Variants in AIDA observed in about 807,000 individuals in gnomAD.
AIDA encodes axin interactor, dorsalization associated, also known as axin interactor, dorsalization-associated protein.
In AIDA, 18 loss-of-function variants were observed where a neutral mutation model predicts 42.7. The ratio of observed to expected loss-of-function variants is 0.42; its 90% CI spans 0.29 to 0.63. The LOEUF is 0.63. AIDA is among the 20% of genes least tolerant of loss of function. The pLI is 0.19. For missense variants in AIDA, 250 were observed against 354.1 expected (o/e 0.71, Z 2.36); for synonymous variants, 104 against 122.9 (o/e 0.85, Z 1.02).
rs775632388 is a variant in AIDA, at chr1:222,670,213, A to T, written c.744T>A (p.Pro248=). The T allele has an allele frequency of 1.1e-5, 18 of 1,613,952 alleles. No homozygotes were observed. The highest frequency in any genetic ancestry group is 1.6e-4 in the Middle Eastern group (1 of 6,084). ...ACTTGGTGCTGGTAAACCTTTTTTT[A>T]GGCTTGTAGTGTTTGAATTCAAAGA... ...AIFFEFKHYK[P]KKRFTSTKCF... is the part of the protein sequence containing the mutation. Residue 248 remains proline (P), a synonymous_variant, in exon 9 of 10, where the codon CCT becomes CCA. Transcript: ENST00000340020.
intron 8 of AIDA, among the ~76,000 whole-genome samples, chr1:222,672,670 T>A (rs913138311): frequency 1.3e-5 from 2 of 152,150 alleles, no homozygotes; most frequent in Non-Finnish European, 2.9e-5. Context: ...AAGTGAAATA[T>A]CGAATATTTC....
At chr1:222,678,162 A>G (rs1207650244) in intron 6 of AIDA, among the ~76,000 whole-genome samples, 2 of 151,396 alleles carry the variant, frequency 1.3e-5, no homozygotes, top group Non-Finnish European at 2.9e-5. Flanking sequence ...AAAGTTGAGT[A>G]TCTTCTAATA....
chr1:222,697,457 AG>A (rs1247374220), intron 2 of AIDA, among the ~76,000 whole-genome samples: 1 of 151,260 alleles, frequency 6.6e-6, no homozygotes, highest in Non-Finnish European at 1.5e-5. Flanking sequence ...TCTTAGAAAC[AG>A]ATGACTCAGA....
chr1:222,677,186 A>G (rs1664560932), intron 6 of AIDA, among the ~76,000 whole-genome samples: 1 of 151,934 alleles, frequency 6.6e-6, no homozygotes, highest in African/African-American at 2.4e-5. Flanking sequence ...TCATTTTCTG[A>G]GCACTTATTG....
At chr1:222,697,497 G>A (rs1161431063) in intron 2 of AIDA, among the ~76,000 whole-genome samples, 8 of 151,272 alleles carry the variant, frequency 5.3e-5, no homozygotes, top group Non-Finnish European at 1.0e-4. Flanking sequence ...AAGTTCACAT[G>A]TGTCAGAGTA....
At chr1:222,701,122 C>T (rs1191816445) in intron 2 of AIDA, among the ~76,000 whole-genome samples, 1 of 151,958 alleles carries the variant, frequency 6.6e-6, no homozygotes, top group African/African-American at 2.4e-5. Context: ...ACCACCACGC[C>T]TACCTAATTT....
intron 6 of AIDA, among the ~76,000 whole-genome samples, chr1:222,684,258 C>T (rs1394259852): frequency 1.3e-5 from 2 of 152,030 alleles, no homozygotes; most frequent in African/African-American, 4.8e-5. Flanking sequence ...ATTACAGGTG[C>T]CCACCACCAC....
intron 2 of AIDA, among the ~76,000 whole-genome samples, chr1:222,697,056 CCTCAG>C (rs1462364753): frequency 6.6e-6 from 1 of 152,094 alleles, no homozygotes; most frequent in Non-Finnish European, 1.5e-5. Context: ...GATTCTCCTG[CCTCAG>C]CCTCTCGAGT....
In AIDA at chr1:222,673,694, C is replaced by T. The variant is rs541692435; in HGVS notation, c.584-259G>A. The stretch of plus-strand genomic sequence containing the variant: ...TCGGGAGGCTCAGGCAGGAGAATGG[C>T]GTGAACCCAGGAGGCGGAGCTTGCA... On this transcript the variant is annotated intron_variant, in intron 7 of 9. Coordinates refer to ENST00000340020, the MANE Select transcript of AIDA (RefSeq NM_022831.4). Among the ~76,000 whole-genome samples the T allele has an allele frequency of 1.4e-4, 22 of 152,034 alleles. No individual in the cohort carries two copies. In the East Asian group the frequency reaches 3.5e-3, roughly 24 times the overall value.
At position 222,676,189 on chromosome 1, in the gene AIDA, G is replaced by A. The variant is rs1664539827; in HGVS notation, c.490C>T (p.Pro164Ser). 1 of 1,611,308 alleles carries A rather than the reference G, an allele frequency of 6.2e-7. No individual in the cohort carries two copies. Among genetic ancestry groups the A allele is most frequent in the Admixed American group, 1.7e-5 (1 of 59,416 alleles). The change falls in exon 7 of 10, where the codon CCA becomes TCA. Residue 164 changes from proline to serine, a missense_variant. Coordinates refer to ENST00000340020, the MANE Select transcript of AIDA (RefSeq NM_022831.4). The part of the protein sequence containing the change: ...GTLLPRLPSE[P>S]GMTLLTIRIE... ...CTGATAGTGAGTAATGTCATTCCTG[G>A]TTCCGATGGCAACCTTGGTAATAAA...
chr1:222,706,747 G>C (rs373545826), intron 1 of AIDA, among the ~76,000 whole-genome samples: 3 of 150,908 alleles, frequency 2.0e-5, no homozygotes, highest in South Asian at 2.1e-4. Flanking sequence ...ATGCGCACCT[G>C]TAATCCCAGC....
At chr1:222,703,989 G>T (rs1479738386) in intron 1 of AIDA, among the ~76,000 whole-genome samples, 1 of 152,160 alleles carries the variant, frequency 6.6e-6, no homozygotes, top group African/African-American at 2.4e-5. Flanking sequence ...CAAAGGATTT[G>T]AATAGATAGT....
At chr1:222,701,276 A>T (rs1163127618) in intron 2 of AIDA, among the ~76,000 whole-genome samples, 1 of 152,108 alleles carries the variant, frequency 6.6e-6, no homozygotes, top group East Asian at 1.9e-4. Context: ...TTTTTCTTTA[A>T]ATATAATTTT....
In AIDA at chr1:222,703,226, A is replaced by G; in HGVS notation, c.111-9T>C. The stretch of plus-strand genomic sequence containing the variant: ...GTAGATGTCTTGCTAATCTGTAAGA[A>G]GAAAACATATTCTTTAGAATGGAAG... On this transcript the variant is annotated splice_polypyrimidine_tract_variant and intron_variant, in intron 1 of 9. Transcript: ENST00000340020. The G allele has an allele frequency of 6.3e-7, 1 of 1,598,284 alleles. No homozygotes were observed. The highest frequency in any genetic ancestry group is 8.5e-7 in the Non-Finnish European group (1 of 1,172,736).
intron 6 of AIDA, among the ~76,000 whole-genome samples, chr1:222,686,073 T>C (rs1309027989): frequency 1.3e-5 from 2 of 152,106 alleles, no homozygotes; most frequent in Non-Finnish European, 2.9e-5. Flanking sequence ...GATGCGAGAA[T>C]TGCTTGAAAC....
chr1:222,706,891 T>C (rs572020592), intron 1 of AIDA, among the ~76,000 whole-genome samples: 80 of 149,032 alleles, frequency 5.4e-4, no homozygotes, highest in Non-Finnish European at 9.0e-4. Flanking sequence ...ACATACTGCA[T>C]GATTCAAATT....
At chr1:222,688,819 G>A (rs1174134752) in intron 4 of AIDA, among the ~76,000 whole-genome samples, 3 of 151,916 alleles carry the variant, frequency 2.0e-5, no homozygotes, top group Non-Finnish European at 4.4e-5. Flanking sequence ...GGCTGGTCTC[G>A]AACTCCTGAC....
At chr1:222,687,151 C>A in intron 5 of AIDA, 115 bp from the exon 6 acceptor site, 4 of 1,486,132 alleles carry the variant, frequency 2.7e-6, no homozygotes, top group Non-Finnish European at 3.6e-6. Context: ...GCTGATAGGC[C>A]GGGTGTGGTG....
intron 3 of AIDA, 77 bp downstream of exon 3, chr1:222,694,133 A>G: frequency 1.5e-6 from 2 of 1,323,758 alleles, no homozygotes; most frequent in Non-Finnish European, 2.1e-6. Flanking sequence ...TGCTTTTGAC[A>G]TAAATGTCTA....
Sources: gnomAD v4.1 joint callset for allele counts (sites outside exome capture counted in the v4.1 genomes callset) on GRCh38, gnomAD v4.1.1 for gene constraint, MANE v1.5 for transcripts, NCBI Gene and HGNC (gene_info 2026-07-23, HGNC 2026-07-21) for gene names.